Variants in AGBL4 observed in about 807,000 individuals in gnomAD.
AGBL4 encodes the protein AGBL carboxypeptidase 4.
In AGBL4, 58 loss-of-function variants were observed where a neutral mutation model predicts 66.4. The observed-to-expected ratio is 0.87, with a 90% confidence interval of 0.71 to 1.09. AGBL4 has a LOEUF of 1.09. AGBL4 is among the 50% of genes least tolerant of loss of function. AGBL4 has a pLI of 0.00. For synonymous variants in AGBL4, 234 were observed against 222.9 expected, an observed-to-expected ratio of 1.05 and a Z score of -0.44; for missense variants, 579 against 631.0, an observed-to-expected ratio of 0.92 and a Z score of 0.88.
intron 3 of AGBL4, among the ~76,000 whole-genome samples, chr1:49,490,254 T>G (rs1190508897): frequency 1.3e-5 from 2 of 151,846 alleles, no homozygotes; most frequent in Non-Finnish European, 2.9e-5. Context: ...ATCTTGTTTT[T>G]TCATTCATCT....
At chr1:49,508,849 T>C (rs564300209) in intron 3 of AGBL4, among the ~76,000 whole-genome samples, 30 of 152,096 alleles carry the variant, frequency 2.0e-4, no homozygotes, top group Non-Finnish European at 4.0e-4. Flanking sequence ...GATTATAGCA[T>C]TGATTACAGG....
intron 4 of AGBL4, among the ~76,000 whole-genome samples, chr1:49,238,669 G>A (rs767162849): frequency 2.6e-5 from 4 of 152,218 alleles, no homozygotes; most frequent in African/African-American, 9.6e-5. Flanking sequence ...AAGTAGAAAT[G>A]TGGATGCAGT....
chr1:49,917,040 G>A (rs892830486), intron 1 of AGBL4, among the ~76,000 whole-genome samples: 28 of 152,266 alleles, frequency 1.8e-4, no homozygotes, highest in Non-Finnish European at 3.1e-4. Context: ...AATGCTGAGA[G>A]ATTTTGTCAC....
At chr1:49,405,255 C>T (rs1031470879) in intron 3 of AGBL4, among the ~76,000 whole-genome samples, 2 of 152,138 alleles carry the variant, frequency 1.3e-5, no homozygotes, top group Non-Finnish European at 2.9e-5. Context: ...CATTAGTACC[C>T]GTTCTCACCG....
chr1:49,733,848 T>C (rs1649651756), intron 2 of AGBL4, among the ~76,000 whole-genome samples: 1 of 152,080 alleles, frequency 6.6e-6, no homozygotes, highest in African/African-American at 2.4e-5. Context: ...ATAACTAATA[T>C]GCCTCATAAT....
chr1:49,561,859 T>A (rs940032244), intron 3 of AGBL4, among the ~76,000 whole-genome samples: 7 of 152,066 alleles, frequency 4.6e-5, no homozygotes, highest in African/African-American at 1.7e-4. Flanking sequence ...TATTTCTAGT[T>A]CTAGATCCCT....
intron 6 of AGBL4, among the ~76,000 whole-genome samples, chr1:48,725,382 C>T (rs1647219191): frequency 6.6e-6 from 1 of 152,104 alleles, no homozygotes; most frequent in Admixed American, 6.5e-5. Context: ...TAAGATTGGG[C>T]AAGTTTGTGA....
intron 2 of AGBL4, among the ~76,000 whole-genome samples, chr1:49,703,534 A>T (rs1647140803): frequency 6.6e-6 from 1 of 151,998 alleles, no homozygotes; most frequent in African/African-American, 2.4e-5. Flanking sequence ...TTAAAAAAAA[A>T]AAACACTTCC....
intron 3 of AGBL4, among the ~76,000 whole-genome samples, chr1:49,669,543 C>CT (rs11302138): frequency 1.3e-5 from 2 of 151,998 alleles, no homozygotes; most frequent in Non-Finnish European, 2.9e-5. Flanking sequence ...TAGGAACCAG[C>CT]TTTTTTTGTT....
chr1:48,839,379 T>G (rs1646749546), intron 6 of AGBL4, among the ~76,000 whole-genome samples: 1 of 152,046 alleles, frequency 6.6e-6, no homozygotes, highest in African/African-American at 2.4e-5. Context: ...TTGAATGTCT[T>G]TATGTCTTTT....
At chr1:48,865,062 C>T (rs1273401487) in intron 6 of AGBL4, among the ~76,000 whole-genome samples, 1 of 152,036 alleles carries the variant, frequency 6.6e-6, no homozygotes, top group Non-Finnish European at 1.5e-5. Context: ...CTGGCCACAT[C>T]ACACTGCAGT....
chr1:49,183,228 CTG>C lies in AGBL4; in HGVS notation c.377+62540_377+62541del, dbSNP rs562836144. 1.6e-3 allele frequency among the ~76,000 whole-genome samples: 242 copies of C among 152,282 alleles called. 4 individuals are homozygous for C. Among genetic ancestry groups the C allele is most frequent in the African/African-American group, 5.7e-3 (235 of 41,552 alleles). The stretch of plus-strand genomic sequence containing the variant: ...ATCCCAGACGGAATTCGAGGAGAGA[CTG>C]TAGTTTGCTTAGCACATGTGTATAT... On this transcript the variant is annotated intron_variant, in intron 4 of 13. Transcript: ENST00000371839.
intron 6 of AGBL4, chr1:48,742,771 C>A: frequency 6.4e-7 from 1 of 1,573,922 alleles, no homozygotes; most frequent in Non-Finnish European, 8.6e-7. Flanking sequence ...AATGGCGGGA[C>A]CTAGGCAGTT....
At chr1:49,006,797 C>A (rs1661872913) in intron 5 of AGBL4, among the ~76,000 whole-genome samples, 1 of 151,510 alleles carries the variant, frequency 6.6e-6, no homozygotes, top group Admixed American at 6.6e-5. Flanking sequence ...AGTATTCCAA[C>A]AGACCTGCAG....
At position 49,767,301 on chromosome 1, in the gene AGBL4, C is replaced by T. The variant is rs79703570; in HGVS notation, c.158-69864G>A. Among the ~76,000 whole-genome samples the T allele has an allele frequency of 8.4e-4, 127 of 151,940 alleles. 2 individuals are homozygous for T. In the East Asian group the frequency reaches 0.019, roughly 23 times the overall value. On this transcript the variant is annotated intron_variant, in intron 2 of 13. Coordinates refer to ENST00000371839, the MANE Select transcript of AGBL4 (RefSeq NM_032785.4). ...ATAAAAATAGAAATCAATACCAAGA[C>T]GATCTCTCAGAACCACATAATTACA...
At chr1:48,983,110 G>A (rs542205775) in intron 5 of AGBL4, among the ~76,000 whole-genome samples, 1 of 152,102 alleles carries the variant, frequency 6.6e-6, no homozygotes, top group South Asian at 2.1e-4. Flanking sequence ...CATCAAAAAT[G>A]ACATTCCTGA....
intron 5 of AGBL4, among the ~76,000 whole-genome samples, chr1:48,890,392 A>T (rs544030804): frequency 1.3e-5 from 2 of 152,208 alleles, no homozygotes; most frequent in Non-Finnish European, 2.9e-5. Context: ...TGAGGATTAA[A>T]TATTATATTA....
At chr1:49,803,296 A>G (rs1232483653) in intron 2 of AGBL4, among the ~76,000 whole-genome samples, 2 of 152,116 alleles carry the variant, frequency 1.3e-5, no homozygotes, top group South Asian at 4.1e-4. Context: ...AACTTGCTCA[A>G]GATCATTAGC....
intron 6 of AGBL4, among the ~76,000 whole-genome samples, chr1:48,792,216 A>C (rs1645568979): frequency 6.6e-6 from 1 of 152,198 alleles, no homozygotes; most frequent in African/African-American, 2.4e-5. Flanking sequence ...TGCAGCTGCA[A>C]GCAAACTAAG....
Sources: gnomAD v4.1 joint callset for allele counts (sites outside exome capture counted in the v4.1 genomes callset) on GRCh38, gnomAD v4.1.1 for gene constraint, MANE v1.5 for transcripts, NCBI Gene and HGNC (gene_info 2026-07-23, HGNC 2026-07-21) for gene names.